KDM4B: variants seen among roughly 807,000 people sequenced by gnomAD.
The protein encoded by KDM4B is lysine demethylase 4B.
In KDM4B, 32 loss-of-function variants were observed where a neutral mutation model predicts 125.2. That is an observed-to-expected ratio of 0.26 (90% CI 0.19 to 0.34). The LOEUF is 0.34. KDM4B is among the 10% of genes least tolerant of loss of function. The pLI, the probability that KDM4B is intolerant of heterozygous loss-of-function variation, is 1.00. For missense variants in KDM4B, 1,190 were observed against 1,577.7 expected, an observed-to-expected ratio of 0.75 and a Z score of 4.16; for synonymous variants, 721 against 677.9, an observed-to-expected ratio of 1.06 and a Z score of -0.99.
Position 5,081,858 on chromosome 19 carries a change from G to A in KDM4B, c.781-509G>A, listed in dbSNP as rs1435114546. Reference sequence around the variant, plus strand: ...GCAGAAGGTGTCCTGAGCGCGTGCAGTGTCTTGTCTTCAGAGCACTCTAAA... The same window carrying A: ...GCAGAAGGTGTCCTGAGCGCGTGCAATGTCTTGTCTTCAGAGCACTCTAAA... On this transcript the variant is annotated intron_variant, in intron 8 of 22. Transcript: ENST00000159111. This position sits in a 1 kb window ranked among gnomAD's most constrained non-coding sequence, Gnocchi z 4.2. Among the ~76,000 whole-genome samples, 2 of 152,218 alleles carry A rather than the reference G, an allele frequency of 1.3e-5. No individual in the cohort carries two copies. Among genetic ancestry groups the A allele is most frequent in the Non-Finnish European group, 2.9e-5 (2 of 68,036 alleles).
At position 5,151,459 on chromosome 19, in the gene KDM4B, C is replaced by A; in HGVS notation, c.3239C>A (p.Ala1080Asp). ...EDSGRSQDYVAFVESLLQVQG... is the reference protein window; with the variant it reads ...EDSGRSQDYVDFVESLLQVQG... ...TCCGGGCGGAGCCAGGACTACGTGG[C>A]CTTCGTGGAGAGCCTCCTGCAGGTG... The change falls in exon 23 of 23, where the codon GCC becomes GAC. Residue 1080 changes from alanine (A) to aspartate (D), a missense_variant. Coordinates refer to ENST00000159111, the MANE Select transcript of KDM4B (RefSeq NM_015015.3). 1 of 1,528,096 alleles carries A rather than the reference C, an allele frequency of 6.5e-7. No homozygotes were observed. Among genetic ancestry groups the A allele is most frequent in the East Asian group, 2.5e-5 (1 of 39,354 alleles). The allele number at this position is 1,528,096 out of a possible 1,614,324, so 94.7% of individuals were successfully genotyped here. A position where few individuals can be genotyped will look rare whatever the true frequency, so the allele number is the denominator to read the frequency against.
At chr19:5,077,202 A>G (rs1261414669) in intron 7 of KDM4B, 165 bp from the exon 8 acceptor site, 7 of 656,458 alleles carry the variant, frequency 1.1e-5, no homozygotes, top group South Asian at 1.8e-5. Context: ...CCCGACCTGC[A>G]GGCACTGGGG....
rs561424549 is a variant in KDM4B at position 5,135,367 on chromosome 19, T to C, written c.2114T>C (p.Ile705Thr). 1 of 1,612,742 alleles carries C rather than the reference T, an allele frequency of 6.2e-7. No homozygotes were observed. Among genetic ancestry groups the C allele is most frequent in the South Asian group, 1.1e-5 (1 of 91,082 alleles). The change falls in exon 15 of 23, where the codon ATA becomes ACA. Residue 705 changes from isoleucine to threonine, a missense_variant. By Grantham distance (89) the Ile-to-Thr change is moderately conservative. Around this residue, in one of 7 missense-constraint regions of KDM4B, gnomAD observed 128 missense variants for 137.8 expected, o/e 0.93. Coordinates refer to ENST00000159111, the MANE Select transcript of KDM4B (RefSeq NM_015015.3). ...QALQTEKEAP[I>T]ASLGEGCPAT... The stretch of plus-strand genomic sequence containing the variant: ...CTACAGACTGAGAAGGAGGCACCCA[T>C]AGCCTCCCTCGGAGAGGGCTGCCCG...
rs560076377 is a variant in KDM4B, at chr19:5,062,609, T to G, written c.627-8401T>G. 2.4e-4 allele frequency among the ~76,000 whole-genome samples: 36 copies of G among 152,030 alleles called. 1 individual carries two copies. In the South Asian group the frequency reaches 5.8e-3, roughly 25 times the overall value. On this transcript the variant is annotated intron_variant, in intron 6 of 22. Transcript: ENST00000159111. ...CAGGTTTACCCTAGTGGGTTTAGAG[T>G]GTTCTGTTAATGTTCTTTCTGCTGT...
intron 1 of KDM4B, among the ~76,000 whole-genome samples, chr19:4,986,894 C>T (rs965994145): frequency 7.2e-5 from 11 of 152,170 alleles, no homozygotes; most frequent in Admixed American, 6.5e-5. Context: ...CCTAGTCAGC[C>T]GTGAGGGCAA....
At chr19:5,076,936 C>T (rs775569550) in intron 7 of KDM4B, 5 of 178,506 alleles carry the variant, frequency 2.8e-5, no homozygotes, top group Admixed American at 1.1e-4. Flanking sequence ...CTGGGGAGGT[C>T]GGAGGAGAAG....
chr19:5,127,964 A>G (rs2146043563), intron 11 of KDM4B, among the ~76,000 whole-genome samples: 1 of 151,944 alleles, frequency 6.6e-6, no homozygotes, highest in African/African-American at 2.4e-5. Context: ...TCTCGTGAGG[A>G]CAGCCCGGCT....
At chr19:5,039,808 G>T in intron 3 of KDM4B, 28 bp from the exon 4 acceptor site, 3 of 1,606,112 alleles carry the variant, frequency 1.9e-6, no homozygotes, top group Non-Finnish European at 2.6e-6. Context: ...GTCTGAGGGT[G>T]CCACTGACTC....
At chr19:4,972,205 C>T (rs974159157) in intron 1 of KDM4B, among the ~76,000 whole-genome samples, 1 of 152,208 alleles carries the variant, frequency 6.6e-6, no homozygotes, top group Non-Finnish European at 1.5e-5. Context: ...GTCTCTGGAT[C>T]TCTGCCCTCT....
At chr19:5,117,938 G>A (rs779473115) in intron 10 of KDM4B, among the ~76,000 whole-genome samples, 2 of 152,150 alleles carry the variant, frequency 1.3e-5, no homozygotes, top group Non-Finnish European at 2.9e-5. Context: ...AAGGAGGGCC[G>A]GCAGTGACTA....
chr19:5,042,878 T>A (rs889986081), intron 5 of KDM4B, among the ~76,000 whole-genome samples: 4 of 151,076 alleles, frequency 2.6e-5, no homozygotes, highest in Non-Finnish European at 4.4e-5. Flanking sequence ...ACAAAATTCA[T>A]CTGTATTTCG....
chr19:5,028,046 A>G (rs994408603), intron 2 of KDM4B, among the ~76,000 whole-genome samples: 1 of 152,140 alleles, frequency 6.6e-6, no homozygotes, highest in Non-Finnish European at 1.5e-5. Flanking sequence ...GTGCAGTCAT[A>G]GCTCACTGCA....
At chr19:5,054,185 G>A (rs532518870) in intron 6 of KDM4B, among the ~76,000 whole-genome samples, 2 of 152,296 alleles carry the variant, frequency 1.3e-5, no homozygotes, top group African/African-American at 4.8e-5. Context: ...CCTGGGCTCA[G>A]GTGATCCTCC....
chr19:5,146,507 G>C (rs1229075023), intron 21 of KDM4B, among the ~76,000 whole-genome samples: 3 of 152,198 alleles, frequency 2.0e-5, no homozygotes, highest in African/African-American at 7.2e-5. Context: ...CAGCTCCTTG[G>C]ACTTCCTGAT....
rs376827867 is a variant in KDM4B at position 5,035,863 on chromosome 19, C to CTGTGTGTGTGTGTG, written c.141+2837_141+2850dup. Among the ~76,000 whole-genome samples, 162 of 142,276 alleles carry CTGTGTGTGTGTGTG rather than the reference C, an allele frequency of 1.1e-3. 1 individual carries two copies. The highest frequency in any genetic ancestry group is 3.5e-3 in the African/African-American group (136 of 38,532). The allele number at this position is 142,276 out of a possible 152,430, so 93.3% of individuals were successfully genotyped here. On this transcript the variant is annotated intron_variant, in intron 3 of 22. Coordinates refer to ENST00000159111, the MANE Select transcript of KDM4B (RefSeq NM_015015.3). The surrounding 1 kb of genome is among the most constrained non-coding windows in gnomAD (Gnocchi z 5.3). ...GGAGGGGCTGTGTGTGCACGTGTCTCTGTGTGTGTGTGTGTGTGCGCGCGC... is the reference window on the plus strand; with the variant it reads ...GGAGGGGCTGTGTGTGCACGTGTCTCTGTGTGTGTGTGTGTGTGTGTGTGTGTGTGTGCGCGCGC...
At chr19:5,147,385 A>G (rs960403475) in intron 21 of KDM4B, among the ~76,000 whole-genome samples, 12 of 152,062 alleles carry the variant, frequency 7.9e-5, no homozygotes, top group Non-Finnish European at 1.8e-4. Context: ...ATGTCACCAG[A>G]GCCCAGGCAG....
At chr19:5,120,146 C>T (rs1261883472) in intron 11 of KDM4B, among the ~76,000 whole-genome samples, 1 of 152,114 alleles carries the variant, frequency 6.6e-6, no homozygotes, top group Admixed American at 6.5e-5. Flanking sequence ...CACTTGAGTC[C>T]AGGAGTTTGA....
At chr19:5,048,609 G>A (rs372732734) in intron 6 of KDM4B, among the ~76,000 whole-genome samples, 3 of 152,090 alleles carry the variant, frequency 2.0e-5, no homozygotes, top group East Asian at 1.9e-4. Flanking sequence ...GAGAGGGGGG[G>A]GCGGGGGAGA....
intron 6 of KDM4B, among the ~76,000 whole-genome samples, chr19:5,067,075 G>T (rs2037794171): frequency 6.6e-6 from 1 of 152,134 alleles, no homozygotes; most frequent in African/African-American, 2.4e-5. Context: ...GCACCTGAGG[G>T]ACCTGTGCAG....
Sources: allele counts gnomAD v4.1 joint callset (sites outside exome capture counted in the v4.1 genomes callset), GRCh38; gene constraint gnomAD v4.1.1; regional missense constraint gnomAD v4.1.1; non-coding constraint Gnocchi (gnomAD v3.1); transcripts MANE v1.5; gene names NCBI Gene and HGNC (gene_info 2026-07-23, HGNC 2026-07-21).